The following PAX5 variants were observed in gnomAD, a reference collection of about 807,000 sequenced individuals.
The protein encoded by PAX5 is paired box 5.
PAX5 carries 9 observed loss-of-function variants against 43.7 expected under a neutral mutation model. That is an observed-to-expected ratio of 0.21 (90% CI 0.12 to 0.36). PAX5 has a LOEUF of 0.36. Among genes scored for constraint, PAX5 ranks in the 10% least tolerant of loss-of-function variants. The pLI, the probability that PAX5 is intolerant of heterozygous loss-of-function variation, is 1.00. For missense variants in PAX5, 383 were observed against 532.7 expected (o/e 0.72, Z 2.77); for synonymous variants, 228 against 214.3 (o/e 1.06, Z -0.56).
intron 7 of PAX5, among the ~76,000 whole-genome samples, chr9:36,909,814 A>ATTTTTTTTTT (rs752114508): frequency 1.9e-4 from 17 of 91,876 alleles, no homozygotes; most frequent in South Asian, 8.6e-4. Context: ...AGACATTTTA[A>ATTTTTTTTTT]TTTTTTTTTT....
At chr9:36,927,647 G>T (rs75700935) in intron 6 of PAX5, among the ~76,000 whole-genome samples, 7 of 151,950 alleles carry the variant, frequency 4.6e-5, no homozygotes, top group Non-Finnish European at 1.0e-4. Flanking sequence ...CCTGGGGGAC[G>T]GCGGGACACT....
chr9:36,865,625 T>C (rs1046276322), intron 8 of PAX5, among the ~76,000 whole-genome samples: 15 of 151,982 alleles, frequency 9.9e-5, no homozygotes, highest in Admixed American at 6.6e-5. Flanking sequence ...ATGAAGATAA[T>C]CAGGAGACCC....
At chr9:36,985,583 G>A (rs1836324276) in intron 5 of PAX5, among the ~76,000 whole-genome samples, 2 of 152,210 alleles carry the variant, frequency 1.3e-5, no homozygotes, top group South Asian at 4.1e-4. Context: ...GGAGGCAGGA[G>A]AAGGCTGTGG....
At position 36,833,774 on chromosome 9, in the gene PAX5, C is replaced by T. The variant is rs118040228; in HGVS notation, c.*6786G>A. 1 of 230,450 alleles carries T rather than the reference C, an allele frequency of 4.3e-6. No homozygotes were observed. Among genetic ancestry groups the T allele is most frequent in the East Asian group, 6.1e-5 (1 of 16,444 alleles). The allele number at this position is 230,450 out of a possible 1,614,324, so 14.3% of individuals were successfully genotyped here. A position where few individuals can be genotyped will look rare whatever the true frequency, so the allele number is the denominator to read the frequency against. ...CAAAACATACACATTTTTTAAGAAG[C>T]ATTTTTTTTTTTCAATCCGTTGGAG... On this transcript the variant is annotated 3_prime_UTR_variant, in exon 10 of 10. Transcript: ENST00000358127.
intron 8 of PAX5, among the ~76,000 whole-genome samples, chr9:36,861,935 G>A (rs1183414551): frequency 6.6e-6 from 1 of 152,160 alleles, no homozygotes; most frequent in African/African-American, 2.4e-5. Context: ...AGGATTTACT[G>A]TAAGACTGAC....
chr9:36,874,500 C>A (rs552660056), intron 8 of PAX5, among the ~76,000 whole-genome samples: 2 of 152,314 alleles, frequency 1.3e-5, no homozygotes, highest in East Asian at 3.9e-4. Flanking sequence ...CCCCTGGGAA[C>A]CCACACCAGC....
rs576653546 is a variant in PAX5, at chr9:37,034,098, C to CTT, written c.-69_-68dup. 0.012 allele frequency: 3,751 copies of CTT among 318,870 alleles called. 90 individuals carry two copies. The highest frequency in any genetic ancestry group is 0.021 in the African/African-American group (481 of 23,212). 19.8% of individuals were successfully genotyped at this position (318,870 alleles called of 1,614,324 possible). A position where few individuals can be genotyped will look rare whatever the true frequency, so the allele number is the denominator to read the frequency against. ...TCCACTTTTTTGTGCCTTTTTTTTT[C>CTT]TTTTTTTTTTTTTTTTTTTTTTTTT... On this transcript the variant is annotated 5_prime_UTR_variant, in exon 1 of 10. Coordinates refer to ENST00000358127, the MANE Select transcript of PAX5 (RefSeq NM_016734.3).
At chr9:36,900,830 C>T (rs757180234) in intron 7 of PAX5, among the ~76,000 whole-genome samples, 1 of 152,118 alleles carries the variant, frequency 6.6e-6, no homozygotes, top group South Asian at 2.1e-4. Flanking sequence ...CCTGAGTGTC[C>T]CTGGGGTACC....
rs1013093178 is a variant in PAX5 at position 36,855,481 on chromosome 9, G to A, written c.1013-8552C>T. Among the ~76,000 whole-genome samples the A allele has an allele frequency of 2.7e-5, 4 of 149,064 alleles. No individual in the cohort carries two copies. In the Admixed American group the frequency reaches 2.7e-4, roughly 10 times the overall value. On this transcript the variant is annotated intron_variant, in intron 8 of 9. Coordinates refer to ENST00000358127, the MANE Select transcript of PAX5 (RefSeq NM_016734.3). ...TCTGTCCTGTCCTGCCCTCATCTAA[G>A]CAAACAATGGGCATGTACAAATGAC...
At position 37,015,539 on chromosome 9, in the gene PAX5, C is replaced by T. The variant is rs1168549149; in HGVS notation, c.213-345G>A. 6.6e-6 allele frequency among the ~76,000 whole-genome samples: 1 copy of T among 150,480 alleles called. No individual in the cohort carries two copies. The highest frequency in any genetic ancestry group is 2.4e-5 in the African/African-American group (1 of 40,926). ...CTTTTTTTTAACTTTTCTTAATGTG[C>T]TGCTGGAAAATTTTAAATTGCATAC... On this transcript the variant is annotated intron_variant, in intron 2 of 9. Coordinates refer to ENST00000358127, the MANE Select transcript of PAX5 (RefSeq NM_016734.3). The surrounding 1 kb of genome is among the most constrained non-coding windows in gnomAD (Gnocchi z 4.4).
At position 37,000,779 on chromosome 9, in the gene PAX5, T is replaced by C. The variant is rs147059988; in HGVS notation, c.604+1869A>G. 2.0e-3 allele frequency among the ~76,000 whole-genome samples: 311 copies of C among 152,258 alleles called. 1 individual carries two copies. The highest frequency in any genetic ancestry group is 1.9e-3 in the Non-Finnish European group (127 of 68,016). ...GGCCACTCTCATATGTGCAACTTGG[T>C]TCTTTTTAAACTGAGGTGAAATCAC... On this transcript the variant is annotated intron_variant, in intron 5 of 9. Transcript: ENST00000358127.
chr9:36,894,848 G>A (rs577211697), intron 7 of PAX5, among the ~76,000 whole-genome samples: 103 of 152,272 alleles, frequency 6.8e-4, no homozygotes, highest in Non-Finnish European at 1.3e-3. Context: ...AGAAATCCTC[G>A]ATGGCTCCCC....
chr9:36,898,601 G>A (rs12342039), intron 7 of PAX5, among the ~76,000 whole-genome samples: 2,938 of 152,296 alleles, frequency 0.019, 102 homozygotes, highest in African/African-American at 0.067. Flanking sequence ...AAATGCTTTG[G>A]AAATTTTCGG....
At chr9:37,016,537 AG>A (rs1485318988) in intron 2 of PAX5, among the ~76,000 whole-genome samples, 26 of 152,262 alleles carry the variant, frequency 1.7e-4, no homozygotes, top group South Asian at 1.0e-3. Context: ...CAAGAAGAAG[AG>A]TGTCATGAAA....
At chr9:37,026,486 C>G (rs1840387968) in intron 1 of PAX5, 1 of 1,307,874 alleles carries the variant, frequency 7.6e-7, no homozygotes, top group Non-Finnish European at 1.0e-6. Flanking sequence ...CACCCCCAAC[C>G]CGGTCCCGGC....
chr9:36,964,478 G>A (rs1376905248), intron 6 of PAX5, among the ~76,000 whole-genome samples: 1 of 150,002 alleles, frequency 6.7e-6, no homozygotes, highest in Admixed American at 6.6e-5. Flanking sequence ...TGTAATCCCA[G>A]CTACTCAGGA....
In PAX5 at chr9:37,015,097, G is replaced by A. The variant is rs1839281730; in HGVS notation, c.310C>T (p.Arg104Cys). 1.9e-6 allele frequency: 3 copies of A among 1,614,026 alleles called. No homozygotes were observed. Among genetic ancestry groups the A allele is most frequent in the East Asian group, 2.2e-5 (1 of 44,898 alleles). ...KVVEKIAEYK[R>C]QNPTMFAWEI... ...CAGGCAAACATGGTGGGATTTTGGC[G>A]TTTATATTCAGCGATTTTTTCCACC... The change falls in exon 3 of 10, where the codon CGC becomes TGC. Residue 104 changes from arginine to cysteine, a missense_variant. Arg to Cys is a radical substitution (Grantham distance 180, BLOSUM62 -3). Transcript: ENST00000358127. This position sits in a 1 kb window ranked among gnomAD's most constrained non-coding sequence, Gnocchi z 4.4.
chr9:36,986,863 C>G (rs1412744549), intron 5 of PAX5, among the ~76,000 whole-genome samples: 2 of 152,246 alleles, frequency 1.3e-5, no homozygotes, highest in Admixed American at 6.5e-5. Flanking sequence ...CTTCCTGCTC[C>G]TCTCATGCCT....
At chr9:36,941,740 G>T (rs1202790106) in intron 6 of PAX5, among the ~76,000 whole-genome samples, 1 of 147,090 alleles carries the variant, frequency 6.8e-6, no homozygotes, top group African/African-American at 2.5e-5. Context: ...GGTGATTCTG[G>T]TCACGTCACA....
Sources: gnomAD v4.1 joint callset for allele counts (sites outside exome capture counted in the v4.1 genomes callset) on GRCh38, gnomAD v4.1.1 for gene constraint, Gnocchi (gnomAD v3.1) non-coding constraint, MANE v1.5 for transcripts, NCBI Gene and HGNC (gene_info 2026-07-23, HGNC 2026-07-21) for gene names.